The following TXLNA variants were observed in gnomAD, a reference collection of about 807,000 sequenced individuals.
TXLNA encodes the protein taxilin alpha, also known as alpha-taxilin.
TXLNA carries 9 observed loss-of-function variants against 61.4 expected under a neutral mutation model. The ratio of observed to expected loss-of-function variants is 0.15; its 90% CI spans 0.09 to 0.26. The LOEUF (loss-of-function observed/expected upper bound fraction) is 0.26, where lower values mean the gene tolerates loss of function less well. Ranked by LOEUF, TXLNA falls within the 10% of genes least tolerant of loss-of-function variation. The pLI, the probability that TXLNA is intolerant of heterozygous loss-of-function variation, is 1.00. For missense variants in TXLNA, 565 were observed against 688.8 expected, an observed-to-expected ratio of 0.82 and a Z score of 2.01; for synonymous variants, 257 against 267.7, an observed-to-expected ratio of 0.96 and a Z score of 0.39.
At position 32,196,565 on chromosome 1, in the gene TXLNA, A is replaced by G. The variant is rs995404124; in HGVS notation, c.*1370A>G. 2.0e-5 allele frequency: 3 copies of G among 152,242 alleles called. No homozygotes were observed. Among genetic ancestry groups the G allele is most frequent in the Non-Finnish European group, 4.4e-5 (3 of 68,074 alleles). The allele number at this position is 152,242 out of a possible 1,614,324, so 9.4% of individuals were successfully genotyped here. On this transcript the variant is annotated 3_prime_UTR_variant, in exon 11 of 11. Transcript: ENST00000373610. ...ACCCCCACTCCAGTACATAACTACTATGTACTGTGTAGAGCCATTCTATAT... is the reference window on the plus strand; with the variant it reads ...ACCCCCACTCCAGTACATAACTACTGTGTACTGTGTAGAGCCATTCTATAT...
Position 32,195,465 on chromosome 1 carries a change from G to GA in TXLNA, c.*271dup, listed in dbSNP as rs1642998540. ...CAGATGAAGTCAGTGGCTTGTCTGT[G>GA]AGCTGAAGAGTCTTGAGAGGGGCTG... On this transcript the variant is annotated 3_prime_UTR_variant, in exon 11 of 11. Coordinates refer to ENST00000373610, the MANE Select transcript of TXLNA (RefSeq NM_175852.4). 2 of 557,430 alleles carry GA rather than the reference G, an allele frequency of 3.6e-6. No homozygotes were observed. Among genetic ancestry groups the GA allele is most frequent in the Non-Finnish European group, 6.4e-6 (2 of 311,382 alleles). The allele number at this position is 557,430 out of a possible 1,614,324, so 34.5% of individuals were successfully genotyped here. A position where few individuals can be genotyped will look rare whatever the true frequency, so the allele number is the denominator to read the frequency against.
Position 32,196,545 on chromosome 1 carries a change from C to A in TXLNA, c.*1350C>A, listed in dbSNP as rs189644852. ...TTGTTTCTGTGTCCTGTTCTACCCC[C>A]ACTCCAGTACATAACTACTATGTAC... On this transcript the variant is annotated 3_prime_UTR_variant, in exon 11 of 11. Transcript: ENST00000373610. The A allele has an allele frequency of 1.9e-4, 29 of 152,342 alleles. No homozygotes were observed. Among genetic ancestry groups the A allele is most frequent in the African/African-American group, 6.5e-4 (27 of 41,554 alleles). 9.4% of individuals were successfully genotyped at this position (152,342 alleles called of 1,614,324 possible).
chr1:32,181,123 A>T, intron 2 of TXLNA, 119 bp from the exon 3 acceptor site: 1 of 811,232 alleles, frequency 1.2e-6, no homozygotes, highest in Non-Finnish European at 1.8e-6. Flanking sequence ...AGTTTCCATA[A>T]AAAAAAAAGT....
rs1230139449 is a variant in TXLNA, at chr1:32,190,060, A to G, written c.774A>G (p.Glu258=). Residue 258 remains glutamate (E), a synonymous_variant, in exon 6 of 11, where the codon GAA becomes GAG. Transcript: ENST00000373610. ...LQRHNRSLKE[E]GVQRAREEEE... is the part of the protein sequence containing the mutation. ...GGGCTGACTTCTTTGCCCAGGAAGA[A>G]GGTGTGCAGCGGGCCCGGGAGGAGG... 3.8e-6 allele frequency: 6 copies of G among 1,569,494 alleles called. No individual in the cohort carries two copies. Among genetic ancestry groups the G allele is most frequent in the Non-Finnish European group, 4.3e-6 (5 of 1,155,608 alleles).
Position 32,192,635 on chromosome 1 carries a change from T to G in TXLNA, c.1084-22T>G. The G allele has an allele frequency of 1.2e-6, 2 of 1,614,000 alleles. No homozygotes were observed. The highest frequency in any genetic ancestry group is 1.7e-6 in the Non-Finnish European group (2 of 1,179,814). On this transcript the variant is annotated intron_variant, in intron 7 of 10. Transcript: ENST00000373610. The surrounding 1 kb of genome is among the most constrained non-coding windows in gnomAD (Gnocchi z 4.2). ...GCCCCTGGGGGCTTCTGACAGGATCTGGGGTTCTGTCTTGGAAATAGCTCC... is the reference window on the plus strand; with the variant it reads ...GCCCCTGGGGGCTTCTGACAGGATCGGGGGTTCTGTCTTGGAAATAGCTCC...
At chr1:32,181,112 C>T in intron 2 of TXLNA, 130 bp from the exon 3 acceptor site, 3 of 663,258 alleles carry the variant, frequency 4.5e-6, no homozygotes, top group Non-Finnish European at 7.0e-6. Flanking sequence ...TCTTGCTTCT[C>T]AGTTTCCATA....
At position 32,194,887 on chromosome 1, in the gene TXLNA, C is replaced by G; in HGVS notation, c.1348-15C>G. 6.3e-7 allele frequency: 1 copy of G among 1,589,976 alleles called. No individual in the cohort carries two copies. The highest frequency in any genetic ancestry group is 8.6e-7 in the Non-Finnish European group (1 of 1,169,486). On this transcript the variant is annotated splice_polypyrimidine_tract_variant and intron_variant, in intron 10 of 10. Coordinates refer to ENST00000373610, the MANE Select transcript of TXLNA (RefSeq NM_175852.4). ...TGATGGGGCACGGCACTGAAGGTCT[C>G]ATTTCTTTCCCTAGAAAACAGTCCG...
chr1:32,190,840 C>T (rs1264766117), intron 6 of TXLNA, among the ~76,000 whole-genome samples: 1 of 152,200 alleles, frequency 6.6e-6, no homozygotes, highest in African/African-American at 2.4e-5. Context: ...TGCCTGTAAT[C>T]CCAACACTTT....
Position 32,192,193 on chromosome 1 carries a change from G to A in TXLNA, c.964-118G>A. On this transcript the variant is annotated intron_variant, in intron 6 of 10. Coordinates refer to ENST00000373610, the MANE Select transcript of TXLNA (RefSeq NM_175852.4). The surrounding 1 kb of genome is among the most constrained non-coding windows in gnomAD (Gnocchi z 4.2). Reference sequence around the variant, plus strand: ...CCCATGTTGTGTGGTACACATGGGAGTCCATCATATCAGATTGAGATGGGG... The same window carrying A: ...CCCATGTTGTGTGGTACACATGGGAATCCATCATATCAGATTGAGATGGGG... 1 of 1,446,552 alleles carries A rather than the reference G, an allele frequency of 6.9e-7. No individual in the cohort carries two copies. 89.6% of individuals were successfully genotyped at this position (1,446,552 alleles called of 1,614,324 possible). A position where few individuals can be genotyped will look rare whatever the true frequency, so the allele number is the denominator to read the frequency against.
chr1:32,182,642 CAA>C (rs1349249141), intron 3 of TXLNA, among the ~76,000 whole-genome samples: 1 of 140,312 alleles, frequency 7.1e-6, no homozygotes, highest in African/African-American at 2.7e-5. Context: ...GCCTGGGTGA[CAA>C]GAGTGAAACT....
At chr1:32,189,461 A>G (rs1320252127) in intron 5 of TXLNA, among the ~76,000 whole-genome samples, 1 of 152,120 alleles carries the variant, frequency 6.6e-6, no homozygotes. Flanking sequence ...ATCTGGAAGA[A>G]TAGGCCTTAG....
At chr1:32,186,336 A>T (rs1294451921) in intron 4 of TXLNA, among the ~76,000 whole-genome samples, 1 of 152,164 alleles carries the variant, frequency 6.6e-6, no homozygotes, top group South Asian at 2.1e-4. Flanking sequence ...GTAGATGTGC[A>T]GCTTGTGCCC....
chr1:32,194,491 C>T (rs1319678302), intron 10 of TXLNA, among the ~76,000 whole-genome samples: 3 of 152,104 alleles, frequency 2.0e-5, no homozygotes, highest in African/African-American at 7.2e-5. Context: ...AAGGAACTAA[C>T]GATGGAGCAG....
At position 32,197,970 on chromosome 1, in the gene TXLNA, G is replaced by A. The variant is rs1365658236; in HGVS notation, c.*2775G>A. ...CCTGAGGGCTGACCCGGAGGCCAGT[G>A]GAGCTGCCTGGTGTCCACGGGGGAG... is the stretch of plus-strand genomic sequence containing the variant. On this transcript the variant is annotated 3_prime_UTR_variant, in exon 11 of 11. Transcript: ENST00000373610. The surrounding 1 kb of genome is among the most constrained non-coding windows in gnomAD (Gnocchi z 4.6). The A allele has an allele frequency of 6.6e-6, 1 of 152,466 alleles. No individual in the cohort carries two copies. The highest frequency in any genetic ancestry group is 2.4e-5 in the African/African-American group (1 of 41,476). The allele number at this position is 152,466 out of a possible 1,614,324, so 9.4% of individuals were successfully genotyped here.
At chr1:32,190,794 A>G (rs1642889033) in intron 6 of TXLNA, among the ~76,000 whole-genome samples, 1 of 152,142 alleles carries the variant, frequency 6.6e-6, no homozygotes, top group Admixed American at 6.5e-5. Context: ...CTGCCACTCA[A>G]AAGGCAGAAT....
Position 32,187,888 on chromosome 1 carries a change from A to G in TXLNA, c.598-66A>G, listed in dbSNP as rs574539547. On this transcript the variant is annotated intron_variant, in intron 4 of 10. Transcript: ENST00000373610. ...GCAGCTCAGGAGACCCTAGACCTGC[A>G]TAGTGATCCCCCCACCAGGAAGGCC... is the stretch of plus-strand genomic sequence containing the variant. The G allele has an allele frequency of 1.0e-4, 162 of 1,560,230 alleles. 3 individuals are homozygous for G. In the South Asian group the frequency reaches 1.8e-3, roughly 18 times the overall value.
rs1642935884 is a variant in TXLNA, at chr1:32,192,804, G to A, written c.1158+73G>A. On this transcript the variant is annotated intron_variant, in intron 8 of 10. Coordinates refer to ENST00000373610, the MANE Select transcript of TXLNA (RefSeq NM_175852.4). The surrounding 1 kb of genome is among the most constrained non-coding windows in gnomAD (Gnocchi z 4.2). ...GCCCCATCCTGGGGGTAGTGAAATG[G>A]GACCCTCATTCTAGGACTGGCTGTG... is the stretch of plus-strand genomic sequence containing the variant. 6 of 1,496,664 alleles carry A rather than the reference G, an allele frequency of 4.0e-6. No individual in the cohort carries two copies. The highest frequency in any genetic ancestry group is 1.4e-5 in the African/African-American group (1 of 72,482). The allele number at this position is 1,496,664 out of a possible 1,614,324, so 92.7% of individuals were successfully genotyped here.
chr1:32,183,890 C>T (rs1433691490), intron 3 of TXLNA, among the ~76,000 whole-genome samples: 1 of 151,882 alleles, frequency 6.6e-6, no homozygotes, highest in Non-Finnish European at 1.5e-5. Flanking sequence ...GCGCGTGCCA[C>T]CACACCAAGC....
intron 9 of TXLNA, 143 bp from the exon 10 acceptor site, chr1:32,193,922 G>C: frequency 1.7e-6 from 1 of 604,770 alleles, no homozygotes; most frequent in Non-Finnish European, 3.0e-6. Flanking sequence ...GGCACAGAGG[G>C]CATTGACTGC....
Sources: gnomAD v4.1 joint callset for allele counts (sites outside exome capture counted in the v4.1 genomes callset) on GRCh38, gnomAD v4.1.1 for gene constraint, Gnocchi (gnomAD v3.1) non-coding constraint, MANE v1.5 for transcripts, NCBI Gene and HGNC (gene_info 2026-07-23, HGNC 2026-07-21) for gene names.